GC: variants seen among roughly 807,000 people sequenced by gnomAD.
The protein encoded by GC is GC vitamin D binding protein, also known as vitamin D-binding protein.
GC carries 43 observed loss-of-function variants against 56.7 expected under a neutral mutation model. The observed-to-expected ratio is 0.76, with a 90% CI of 0.59 to 0.98. The LOEUF (loss-of-function observed/expected upper bound fraction) is 0.98, where lower values mean the gene tolerates loss of function less well. GC is among the 50% of genes least tolerant of loss of function. The pLI is 0.00. For synonymous variants in GC, 216 were observed against 202.7 expected (o/e 1.07, Z -0.56); for missense variants, 529 against 545.9 (o/e 0.97, Z 0.31).
At chr4:71,772,756 G>T (rs568086252) in intron 1 of GC, among the ~76,000 whole-genome samples, 8 of 152,178 alleles carry the variant, frequency 5.3e-5, no homozygotes, top group Middle Eastern at 3.4e-3. Context: ...GCTCAAGAGG[G>T]ATATTGAGAA....
intron 1 of GC, among the ~76,000 whole-genome samples, chr4:71,798,296 A>G (rs1411945412): frequency 1.3e-5 from 2 of 152,182 alleles, no homozygotes. Context: ...TTTGTCTACT[A>G]CATACTGTGT....
At chr4:71,757,998 C>G (rs1014411385) in intron 7 of GC, 44 bp downstream of exon 7, 4 of 1,585,008 alleles carry the variant, frequency 2.5e-6, no homozygotes, top group Non-Finnish European at 3.4e-6. Context: ...ACTTGGCACT[C>G]AATACCTGGC....
intron 1 of GC, among the ~76,000 whole-genome samples, chr4:71,783,267 A>G (rs977214698): frequency 6.6e-6 from 1 of 151,800 alleles, no homozygotes. Flanking sequence ...CTAATGATGA[A>G]AAGTTTCCCA....
intron 1 of GC, 84 bp downstream of exon 1, chr4:71,783,877 A>T: frequency 9.7e-7 from 1 of 1,031,666 alleles, no homozygotes; most frequent in Non-Finnish European, 1.4e-6. Flanking sequence ...TCTGTTTCTT[A>T]CTTTTTATTT....
intron 12 of GC, among the ~76,000 whole-genome samples, chr4:71,745,228 A>G (rs1741326587): frequency 6.6e-6 from 1 of 152,210 alleles, no homozygotes; most frequent in South Asian, 2.1e-4. Context: ...ACAGACAGAT[A>G]GTTAGAGTGG....
chr4:71,756,105 T>C (rs1336237185), intron 8 of GC, among the ~76,000 whole-genome samples: 1 of 48,814 alleles, frequency 2.0e-5, no homozygotes. Flanking sequence ...TTGATAATGC[T>C]AAGAAAAAAA....
intron 6 of GC, among the ~76,000 whole-genome samples, chr4:71,761,030 G>C (rs1186328769): frequency 6.6e-6 from 1 of 152,208 alleles, no homozygotes; most frequent in Non-Finnish European, 1.5e-5. Flanking sequence ...CGAAAATGTG[G>C]AAGTGACTTT....
At chr4:71,767,635 A>C (rs1029824127) in intron 3 of GC, among the ~76,000 whole-genome samples, 9 of 148,392 alleles carry the variant, frequency 6.1e-5, no homozygotes, top group African/African-American at 2.2e-4. Flanking sequence ...TAAATTATAT[A>C]ATATATAAAA....
At chr4:71,780,963 T>C (rs911890952) in intron 1 of GC, among the ~76,000 whole-genome samples, 36 of 152,206 alleles carry the variant, frequency 2.4e-4, no homozygotes, top group Admixed American at 4.6e-4. Context: ...CTATTCACAA[T>C]AGCAAAGACT....
At chr4:71,751,700 C>T (rs1741561428) in intron 11 of GC, among the ~76,000 whole-genome samples, 1 of 151,578 alleles carries the variant, frequency 6.6e-6, no homozygotes, top group East Asian at 1.9e-4. Flanking sequence ...GGGGAAGGGA[C>T]ATTTAAAGAA....
chr4:71,763,167 T>C (rs403373), intron 6 of GC, among the ~76,000 whole-genome samples: 13,654 of 152,200 alleles, frequency 0.09, 685 homozygotes, highest in Non-Finnish European at 0.1. Flanking sequence ...AGTGGTCAAC[T>C]ATATGGAAAA....
At chr4:71,776,055 A>T (rs1324990032) in intron 1 of GC, among the ~76,000 whole-genome samples, 1 of 152,028 alleles carries the variant, frequency 6.6e-6, no homozygotes, top group African/African-American at 2.4e-5. Context: ...TGTTGGTGGA[A>T]ATATACATTA....
At chr4:71,746,127 C>A (rs1741354481) in intron 12 of GC, 24 bp downstream of exon 12, 1 of 852,024 alleles carries the variant, frequency 1.2e-6, no homozygotes, top group South Asian at 1.4e-5. Context: ...ATCCGTTGGT[C>A]CTGCATTTAT....
At chr4:71,748,660 A>G (rs1174702537) in intron 11 of GC, among the ~76,000 whole-genome samples, 4 of 152,142 alleles carry the variant, frequency 2.6e-5, no homozygotes, top group Non-Finnish European at 4.4e-5. Flanking sequence ...TTTGGCATAA[A>G]CAAATGAACC....
At chr4:71,775,588 C>T (rs1742483846) in intron 1 of GC, among the ~76,000 whole-genome samples, 1 of 151,826 alleles carries the variant, frequency 6.6e-6, no homozygotes, top group Admixed American at 6.6e-5. Context: ...TGATGTTGGT[C>T]TAGGCAATGA....
chr4:71,744,646 T>A (rs1315538853), intron 12 of GC, among the ~76,000 whole-genome samples: 1 of 152,098 alleles, frequency 6.6e-6, no homozygotes, highest in African/African-American at 2.4e-5. Flanking sequence ...AATAACACAG[T>A]CCAGTGAAAA....
chr4:71,758,465 A>G (rs1370661406), intron 6 of GC, among the ~76,000 whole-genome samples: 6 of 152,188 alleles, frequency 3.9e-5, no homozygotes, highest in African/African-American at 1.4e-4. Flanking sequence ...GCATCAATGA[A>G]GAAGTCACAA....
At chr4:71,755,406 G>A (rs550831840) in intron 8 of GC, among the ~76,000 whole-genome samples, 44 of 151,986 alleles carry the variant, frequency 2.9e-4, no homozygotes, top group African/African-American at 1.0e-3. Context: ...CAAGTGATTC[G>A]CCTGACTCGG....
At chr4:71,746,336 C>T (rs1211173242) in intron 11 of GC, 131 bp from the exon 12 acceptor site, 1 of 539,040 alleles carries the variant, frequency 1.9e-6, no homozygotes, top group Non-Finnish European at 3.4e-6. Context: ...TGCAATGTTA[C>T]ATTGCAGTTT....
Sources: allele counts gnomAD v4.1 joint callset (sites outside exome capture counted in the v4.1 genomes callset), GRCh38; gene constraint gnomAD v4.1.1; transcripts MANE v1.5; gene names NCBI Gene and HGNC (gene_info 2026-07-23, HGNC 2026-07-21).